The following MYH11 variants were observed in gnomAD, a reference collection of about 807,000 sequenced individuals.
MYH11 encodes myosin heavy chain 11, also known as myosin-11.
In MYH11, 80 loss-of-function variants were observed where a neutral mutation model predicts 246.6. The ratio of observed to expected loss-of-function variants is 0.32; its 90% CI spans 0.27 to 0.39. MYH11 has a LOEUF of 0.39. MYH11 is among the 10% of genes least tolerant of loss of function. The probability of loss-of-function intolerance (pLI) is 1.00; values close to 1 mark genes in which losing one functional copy is unlikely to be tolerated. For missense variants in MYH11, 2,158 were observed against 2,546.8 expected (o/e 0.85, Z 3.29); for synonymous variants, 1,071 against 1,015.5 (o/e 1.05, Z -1.04).
In MYH11 at chr16:15,724,739, C is replaced by T. The variant is rs755408359; in HGVS notation, c.4024G>A (p.Glu1342Lys). 1.4e-5 allele frequency: 22 copies of T among 1,614,082 alleles called. 1 individual carries two copies. The East Asian group carries it at 2.7e-4, about 20-fold the overall frequency. ...TCTTGCAGGCTGTTCCGCTCCTCCT[C>T]CAGCTGGCGCAGCTTCGTAGACACG... ...LNVSTKLRQL[E>K]EERNSLQDQL... The change falls in exon 30 of 41, where the codon GAG becomes AAG. Residue 1342 changes from glutamate to lysine, a missense_variant. This residue lies in a region of MYH11 where 1,013 missense variants were observed against 993.5 expected (regional missense o/e 1.02). Coordinates refer to ENST00000300036, the MANE Select transcript of MYH11 (RefSeq NM_002474.3).
chr16:15,793,924 A>G (rs566291643), intron 4 of MYH11, among the ~76,000 whole-genome samples: 2 of 127,932 alleles, frequency 1.6e-5, no homozygotes, highest in East Asian at 2.3e-4. Flanking sequence ...TGCGTGGCCA[A>G]TTTTCAGTTT....
chr16:15,848,867 T>C (rs2044264299), intron 1 of MYH11, among the ~76,000 whole-genome samples: 1 of 152,154 alleles, frequency 6.6e-6, no homozygotes, highest in Admixed American at 6.6e-5. Context: ...GTGAACACAC[T>C]GGACCAGAGA....
At chr16:15,704,274 C>T (rs958193678) in intron 40 of MYH11, 151 bp from the exon 41 acceptor site, 3 of 840,732 alleles carry the variant, frequency 3.6e-6, no homozygotes, top group East Asian at 2.7e-5. Flanking sequence ...AAATAAGATG[C>T]AGATATTCAA....
chr16:15,841,664 G>A (rs1567214119), intron 1 of MYH11, among the ~76,000 whole-genome samples: 1 of 152,314 alleles, frequency 6.6e-6, no homozygotes, highest in East Asian at 1.9e-4. Context: ...GAGAGGGACA[G>A]AGACAACACA....
intron 3 of MYH11, among the ~76,000 whole-genome samples, chr16:15,808,705 G>T (rs1019610678): frequency 6.6e-6 from 1 of 151,932 alleles, no homozygotes; most frequent in Non-Finnish European, 1.5e-5. Flanking sequence ...GAGACTCAAA[G>T]CGAGACCCCT....
intron 13 of MYH11, among the ~76,000 whole-genome samples, chr16:15,757,166 T>A (rs1315805085): frequency 6.6e-6 from 1 of 150,952 alleles, no homozygotes; most frequent in Non-Finnish European, 1.5e-5. Context: ...GTTAGAAAAG[T>A]TTTTTTTGGA....
chr16:15,727,013 T>C lies in MYH11; in HGVS notation c.3693A>G (p.Lys1231=). The change falls in exon 28 of 41, where the codon AAA becomes AAG. Residue 1231 remains lysine, a synonymous_variant. Transcript: ENST00000300036. The part of the protein sequence containing the change: ...NLDKNKQTLE[K]ENADLAGELR... ...GCTCCCCGGCCAGGTCTGCGTTCTCTTTCTCCAGCGTCTGCTTATTCTTGT... is the reference window on the plus strand; with the variant it reads ...GCTCCCCGGCCAGGTCTGCGTTCTCCTTCTCCAGCGTCTGCTTATTCTTGT... 4 of 1,611,890 alleles carry C rather than the reference T, an allele frequency of 2.5e-6. No individual in the cohort carries two copies. Among genetic ancestry groups the C allele is most frequent in the Non-Finnish European group, 3.4e-6 (4 of 1,178,850 alleles).
At chr16:15,708,543 G>C (rs1239312170) in intron 40 of MYH11, among the ~76,000 whole-genome samples, 1 of 152,214 alleles carries the variant, frequency 6.6e-6, no homozygotes, top group Non-Finnish European at 1.5e-5. Flanking sequence ...GCAGTGATAA[G>C]GGCGCACACT....
chr16:15,708,082 C>G (rs1249699602), intron 40 of MYH11, among the ~76,000 whole-genome samples: 1 of 151,972 alleles, frequency 6.6e-6, no homozygotes. Flanking sequence ...TGAACATGTA[C>G]ATGCCCGTGA....
chr16:15,779,132 CTTAT>C (rs996939565), intron 6 of MYH11: 5 of 522,110 alleles, frequency 9.6e-6, no homozygotes, highest in South Asian at 2.1e-5. Context: ...TTTAAAAAAA[CTTAT>C]TTATTTATTA....
intron 2 of MYH11, among the ~76,000 whole-genome samples, chr16:15,823,823 C>T (rs1048536404): frequency 2.6e-5 from 4 of 152,074 alleles, no homozygotes; most frequent in Non-Finnish European, 5.9e-5. Flanking sequence ...ACATGGGTTT[C>T]ACTGTGTTGC....
At position 15,760,070 on chromosome 16, in the gene MYH11, CT is replaced by C. The variant is rs531022188; in HGVS notation, c.1249-343del. On this transcript the variant is annotated intron_variant, in intron 11 of 40. Transcript: ENST00000300036. ...TGCGATGGCACCACTGCACCCCCCC[CT>C]GGGCAACAGAGCAAGGCTCTGGCTC... 1.3e-3 allele frequency among the ~76,000 whole-genome samples: 203 copies of C among 152,166 alleles called. 1 individual carries two copies. The highest frequency in any genetic ancestry group is 3.4e-3 in the Middle Eastern group (1 of 294).
intron 4 of MYH11, among the ~76,000 whole-genome samples, chr16:15,788,530 G>A (rs928215548): frequency 1.2e-4 from 18 of 151,296 alleles, no homozygotes; most frequent in African/African-American, 4.4e-4. Flanking sequence ...AAAAGAAATA[G>A]AAGAAAAGAA....
Position 15,750,071 on chromosome 16 carries a change from G to A in MYH11, c.2058+67C>T, listed in dbSNP as rs745317006. On this transcript the variant is annotated intron_variant, in intron 16 of 40. Coordinates refer to ENST00000300036, the MANE Select transcript of MYH11 (RefSeq NM_002474.3). The surrounding 1 kb of genome is among the most constrained non-coding windows in gnomAD (Gnocchi z 4.3). Reference sequence around the variant, plus strand: ...TAGGTGGGGGCAGAGGGCGCCCTGGGGACGCTGTGACCGCTTGGGACAGCC... The same window carrying A: ...TAGGTGGGGGCAGAGGGCGCCCTGGAGACGCTGTGACCGCTTGGGACAGCC... 2 of 1,596,482 alleles carry A rather than the reference G, an allele frequency of 1.3e-6. No homozygotes were observed.
chr16:15,724,439 G>C, intron 30 of MYH11, 30 bp from the exon 31 acceptor site: 1 of 1,612,944 alleles, frequency 6.2e-7, no homozygotes, highest in Non-Finnish European at 8.5e-7. Context: ...GGTAGGGTGA[G>C]AGGGGGACCA....
intron 6 of MYH11, among the ~76,000 whole-genome samples, chr16:15,780,893 C>A (rs1162434877): frequency 6.6e-6 from 1 of 152,166 alleles, no homozygotes; most frequent in African/African-American, 2.4e-5. Flanking sequence ...TTTGGTTCAG[C>A]GCTTCACTGA....
chr16:15,759,426 C>T (rs1266391660), intron 12 of MYH11, 150 bp downstream of exon 12: 4 of 1,027,228 alleles, frequency 3.9e-6, no homozygotes, highest in East Asian at 4.7e-5. Flanking sequence ...ATTTCTGTCT[C>T]TTATACCCTC....
chr16:15,782,133 A>G (rs957866077), intron 6 of MYH11, among the ~76,000 whole-genome samples: 19 of 152,164 alleles, frequency 1.2e-4, no homozygotes, highest in African/African-American at 4.3e-4. Context: ...CTCCCACCTC[A>G]GCCTCCCAAA....
chr16:15,708,893 C>T (rs755881773), intron 40 of MYH11: 1 of 1,529,534 alleles, frequency 6.5e-7, no homozygotes, highest in Non-Finnish European at 9.0e-7. Flanking sequence ...CAAGAAGGAG[C>T]CCGGTTAAGT....
Sources: allele counts gnomAD v4.1 joint callset (sites outside exome capture counted in the v4.1 genomes callset), GRCh38; gene constraint gnomAD v4.1.1; regional missense constraint gnomAD v4.1.1; non-coding constraint Gnocchi (gnomAD v3.1); transcripts MANE v1.5; gene names NCBI Gene and HGNC (gene_info 2026-07-23, HGNC 2026-07-21).